Variants in NCOR1 observed in about 807,000 individuals in gnomAD.
NCOR1 encodes nuclear receptor corepressor 1, also known as protein phosphatase 1, regulatory subunit 109.
In NCOR1, 63 loss-of-function variants were observed where a neutral mutation model predicts 288.1. That is an observed-to-expected ratio of 0.22 (90% CI 0.18 to 0.27). NCOR1 has a LOEUF of 0.27. Among genes scored for constraint, NCOR1 ranks in the 10% least tolerant of loss-of-function variants. The pLI, the probability that NCOR1 is intolerant of heterozygous loss-of-function variation, is 1.00. For missense variants in NCOR1, 2,397 were observed against 3,019.2 expected, an observed-to-expected ratio of 0.79 and a Z score of 4.83; for synonymous variants, 1,007 against 1,065.9, an observed-to-expected ratio of 0.94 and a Z score of 1.08.
intron 45 of NCOR1, among the ~76,000 whole-genome samples, chr17:16,034,475 G>C (rs1451646586): frequency 6.6e-6 from 1 of 152,016 alleles, no homozygotes; most frequent in East Asian, 1.9e-4. Flanking sequence ...AGGCATGGTC[G>C]TGCACGCCTG....
At chr17:16,059,107 G>A (rs2060272328) in intron 37 of NCOR1, among the ~76,000 whole-genome samples, 2 of 148,160 alleles carry the variant, frequency 1.3e-5, no homozygotes. Flanking sequence ...AATAAACACT[G>A]GAATGAGGCA....
At chr17:16,111,688 T>C (rs955283885) in intron 18 of NCOR1, among the ~76,000 whole-genome samples, 49 of 151,088 alleles carry the variant, frequency 3.2e-4, no homozygotes, top group Non-Finnish European at 6.0e-4. Flanking sequence ...CAACTGCAAC[T>C]CTTCCCAGAA....
chr17:16,127,258 T>TAC lies in NCOR1; in HGVS notation c.1510-1053_1510-1052insGT, dbSNP rs1400960894. On this transcript the variant is annotated intron_variant, in intron 14 of 45. Transcript: ENST00000268712. The stretch of plus-strand genomic sequence containing the variant: ...ATGCATATATGTATGTATATATGTG[T>TAC]GTGTATATATGTATGTATATATACG... Among the ~76,000 whole-genome samples, 937 of 114,880 alleles carry TAC rather than the reference T, an allele frequency of 8.2e-3. 61 individuals carry two copies. Among genetic ancestry groups the TAC allele is most frequent in the African/African-American group, 0.031 (865 of 27,738 alleles). The allele number at this position is 114,880 out of a possible 152,430, so 75.4% of individuals were successfully genotyped here. A position where few individuals can be genotyped will look rare whatever the true frequency, so the allele number is the denominator to read the frequency against.
At chr17:16,212,927 A>C (rs2153628606) in intron 1 of NCOR1, among the ~76,000 whole-genome samples, 1 of 152,004 alleles carries the variant, frequency 6.6e-6, no homozygotes, top group South Asian at 2.1e-4. Context: ...AAAAAAATTA[A>C]CCAGGCGTGG....
chr17:16,119,561 T>G, intron 16 of NCOR1, 76 bp from the exon 17 acceptor site: 2 of 951,990 alleles, frequency 2.1e-6, no homozygotes, highest in Non-Finnish European at 3.2e-6. Context: ...CATATAATTA[T>G]ATCTCTTTAT....
chr17:16,072,971 TTTACAGAGGAAGAAACAGGC>T (rs2061942297), intron 28 of NCOR1, among the ~76,000 whole-genome samples: 1 of 152,198 alleles, frequency 6.6e-6, no homozygotes, highest in Non-Finnish European at 1.5e-5. Context: ...GATCCCTTAA[TTTACAGAGGAAGAAACAGGC>T]TCAAAGGAAT....
At chr17:16,167,147 A>C (rs2082171272) in intron 4 of NCOR1, among the ~76,000 whole-genome samples, 1 of 152,232 alleles carries the variant, frequency 6.6e-6, no homozygotes, top group African/African-American at 2.4e-5. Context: ...AGTGCTCCTC[A>C]GGTGATTCTG....
intron 44 of NCOR1, 35 bp downstream of exon 44, chr17:16,039,398 A>G (rs1405033895): frequency 6.3e-7 from 1 of 1,596,042 alleles, no homozygotes; most frequent in African/African-American, 1.3e-5. Flanking sequence ...TTTTTGGGGA[A>G]AAGCAGCAGA....
intron 44 of NCOR1, 175 bp downstream of exon 44, chr17:16,039,258 A>G (rs1567643658): frequency 1.6e-6 from 1 of 621,398 alleles, no homozygotes; most frequent in East Asian, 2.8e-5. Flanking sequence ...TTCTGTTCAT[A>G]TTATAATGTC....
chr17:16,118,678 T>C (rs925494873), intron 17 of NCOR1, among the ~76,000 whole-genome samples: 1 of 152,170 alleles, frequency 6.6e-6, no homozygotes, highest in Non-Finnish European at 1.5e-5. Flanking sequence ...AAATATGAAA[T>C]GTGTCACTCA....
chr17:16,114,151 A>C (rs1032737040), intron 18 of NCOR1, among the ~76,000 whole-genome samples: 14 of 125,432 alleles, frequency 1.1e-4, no homozygotes, highest in African/African-American at 4.9e-4. Context: ...GGCAAAAAAA[A>C]AAAAAAAAAA....
chr17:16,066,144 G>A (rs1012330027), intron 32 of NCOR1, among the ~76,000 whole-genome samples: 3 of 152,210 alleles, frequency 2.0e-5, no homozygotes, highest in Non-Finnish European at 4.4e-5. Context: ...ATTAGTCCAT[G>A]TGTTTGGAGC....
intron 44 of NCOR1, among the ~76,000 whole-genome samples, chr17:16,038,540 G>C (rs535118857): frequency 1.3e-5 from 2 of 151,320 alleles, no homozygotes; most frequent in East Asian, 2.0e-4. Flanking sequence ...GGGCTCAAGT[G>C]ATCTTCCCAC....
Position 16,127,483 on chromosome 17 carries a change from G to A in NCOR1, c.1510-1277C>T, listed in dbSNP as rs114021982. Among the ~76,000 whole-genome samples the A allele has an allele frequency of 1.2e-3, 176 of 140,986 alleles. 6 individuals are homozygous for A. The highest frequency in any genetic ancestry group is 4.8e-3 in the African/African-American group (170 of 35,694). 92.5% of individuals were successfully genotyped at this position (140,986 alleles called of 152,430 possible). On this transcript the variant is annotated intron_variant, in intron 14 of 45. Coordinates refer to ENST00000268712, the MANE Select transcript of NCOR1 (RefSeq NM_006311.4). ...TATACGTGTATGTGTATATATACAC[G>A]TGTGTATATGTGCATGTATATACAT...
At chr17:16,058,394 T>C (rs559440148) in intron 38 of NCOR1, 77 bp downstream of exon 38, 15 of 1,485,146 alleles carry the variant, frequency 1.0e-5, no homozygotes, top group Non-Finnish European at 1.4e-5. Context: ...ATTCTTACTA[T>C]GGTCTAGACA....
At chr17:16,041,422 T>TTTTTTTTTG (rs71150270) in intron 42 of NCOR1, 1 of 147,928 alleles carries the variant, frequency 6.8e-6, no homozygotes. Context: ...TTTTTTTTTT[T>TTTTTTTTTG]CCTTTGAGAT....
chr17:16,193,276 G>C (rs1600308958), intron 2 of NCOR1, among the ~76,000 whole-genome samples: 1 of 152,162 alleles, frequency 6.6e-6, no homozygotes, highest in African/African-American at 2.4e-5. Flanking sequence ...TGTTGCCCAG[G>C]CTGGAGTGCA....
chr17:16,038,442 T>C (rs1227744638), intron 44 of NCOR1, among the ~76,000 whole-genome samples: 1 of 152,096 alleles, frequency 6.6e-6, no homozygotes, highest in Non-Finnish European at 1.5e-5. Context: ...ACTCTTTTTT[T>C]TTTTCCTTTT....
chr17:16,084,232 C>A (rs1316783306), intron 23 of NCOR1: 2 of 152,402 alleles, frequency 1.3e-5, no homozygotes, highest in Admixed American at 6.5e-5. Context: ...TTCTGAGGTG[C>A]CTTTTTCCAA....
Sources: gnomAD v4.1 joint callset for allele counts (sites outside exome capture counted in the v4.1 genomes callset) on GRCh38, gnomAD v4.1.1 for gene constraint, MANE v1.5 for transcripts, NCBI Gene and HGNC (gene_info 2026-07-23, HGNC 2026-07-21) for gene names.